Variants in NFAT5 observed in about 807,000 individuals in gnomAD.
NFAT5 encodes the protein nuclear factor of activated T cells 5, also known as nuclear factor of activated T-cells 5.
A neutral mutation model predicts 166.5 loss-of-function variants in NFAT5; 31 were observed. The observed-to-expected ratio is 0.19, with a 90% CI of 0.14 to 0.25. The LOEUF (loss-of-function observed/expected upper bound fraction) is 0.25, where lower values mean the gene tolerates loss of function less well. NFAT5 is among the 10% of genes least tolerant of loss of function. The probability of loss-of-function intolerance (pLI) is 1.00; values close to 1 mark genes in which losing one functional copy is unlikely to be tolerated. For synonymous variants in NFAT5, 612 were observed against 639.7 expected (o/e 0.96, Z 0.65); for missense variants, 1,449 against 1,821.8 (o/e 0.80, Z 3.72).
At chr16:69,604,550 C>T (rs1255619780) in intron 2 of NFAT5, among the ~76,000 whole-genome samples, 2 of 152,170 alleles carry the variant, frequency 1.3e-5, no homozygotes, top group Admixed American at 1.3e-4. Context: ...GTCTGTTCCT[C>T]TCTTTGTGTC....
At chr16:69,617,491 TTTTC>T (rs1037237600) in intron 2 of NFAT5, among the ~76,000 whole-genome samples, 2 of 151,664 alleles carry the variant, frequency 1.3e-5, no homozygotes, top group African/African-American at 4.8e-5. Flanking sequence ...AACAATTTTC[TTTTC>T]TTTTTTTTTT....
intron 2 of NFAT5, among the ~76,000 whole-genome samples, chr16:69,571,945 G>A (rs1273018273): frequency 6.6e-6 from 1 of 151,840 alleles, no homozygotes; most frequent in Admixed American, 6.6e-5. Flanking sequence ...GGATTTTTTA[G>A]TAGAAACAGG....
chr16:69,568,376 G>GTATATATA, intron 1 of NFAT5, 119 bp from the exon 2 acceptor site: 2 of 287,126 alleles, frequency 7.0e-6, no homozygotes. Flanking sequence ...GTGTGTGTGT[G>GTATATATA]TATATATATA....
chr16:69,596,845 A>G (rs991489698), intron 2 of NFAT5, among the ~76,000 whole-genome samples: 1 of 152,016 alleles, frequency 6.6e-6, no homozygotes, highest in Non-Finnish European at 1.5e-5. Context: ...TTTCTTCCCT[A>G]ATTGAGCTTA....
chr16:69,655,567 A>C, intron 5 of NFAT5, 42 bp from the exon 6 acceptor site: 1 of 1,395,680 alleles, frequency 7.2e-7, no homozygotes, highest in African/African-American at 1.4e-5. Context: ...AGATTATTTG[A>C]AATACTAATT....
Position 69,703,702 on chromosome 16 carries a change from A to C in NFAT5, c.*7351A>C, listed in dbSNP as rs1157733101. The C allele has an allele frequency of 6.6e-6, 1 of 152,630 alleles. No homozygotes were observed. The highest frequency in any genetic ancestry group is 1.5e-5 in the Non-Finnish European group (1 of 68,026). The allele number at this position is 152,630 out of a possible 1,614,324, so 9.5% of individuals were successfully genotyped here. A position where few individuals can be genotyped will look rare whatever the true frequency, so the allele number is the denominator to read the frequency against. On this transcript the variant is annotated 3_prime_UTR_variant, in exon 15 of 15. Coordinates refer to ENST00000349945, the MANE Select transcript of NFAT5 (RefSeq NM_138713.4). ...TACAAATTTTGGTGCTGGCAAATACATAGGCAAACTGTTGGGAGCTGCTCT... is the reference window on the plus strand; with the variant it reads ...TACAAATTTTGGTGCTGGCAAATACCTAGGCAAACTGTTGGGAGCTGCTCT...
At chr16:69,639,753 G>A (rs984106629) in intron 3 of NFAT5, among the ~76,000 whole-genome samples, 1 of 152,154 alleles carries the variant, frequency 6.6e-6, no homozygotes, top group African/African-American at 2.4e-5. Flanking sequence ...GCATTGCTCA[G>A]AACATATCTT....
chr16:69,686,030 A>G (rs2037286462), intron 11 of NFAT5: 1 of 148,020 alleles, frequency 6.8e-6, no homozygotes, highest in Admixed American at 6.7e-5. Context: ...GGGCAACAAG[A>G]GCAAAACTAT....
chr16:69,566,215 G>A lies in NFAT5; in HGVS notation c.-87G>A. ...GCCCTCGCGTCGCCGCCCCCGGTTC[G>A]GTGCCCGCGGTCCCGGAGAGGAGGT... On this transcript the variant is annotated 5_prime_UTR_variant, in exon 1 of 15. Coordinates refer to ENST00000349945, the MANE Select transcript of NFAT5 (RefSeq NM_138713.4). The surrounding 1 kb of genome is among the most constrained non-coding windows in gnomAD (Gnocchi z 5.7). 2 of 1,285,540 alleles carry A rather than the reference G, an allele frequency of 1.6e-6. No individual in the cohort carries two copies. The highest frequency in any genetic ancestry group is 2.2e-6 in the Non-Finnish European group (2 of 919,110). 79.6% of individuals were successfully genotyped at this position (1,285,540 alleles called of 1,614,324 possible). A position where few individuals can be genotyped will look rare whatever the true frequency, so the allele number is the denominator to read the frequency against.
chr16:69,660,845 G>A (rs2036095711), intron 7 of NFAT5, among the ~76,000 whole-genome samples: 1 of 148,560 alleles, frequency 6.7e-6, no homozygotes, highest in Non-Finnish European at 1.5e-5. Flanking sequence ...AGTTTCGCTT[G>A]TTGCCCAGGC....
At chr16:69,626,112 TAA>T (rs746935061) in intron 2 of NFAT5, among the ~76,000 whole-genome samples, 8 of 128,818 alleles carry the variant, frequency 6.2e-5, no homozygotes, top group Non-Finnish European at 5.0e-5. Context: ...CCTGGCTGAT[TAA>T]AAAAAAAAAA....
intron 2 of NFAT5, among the ~76,000 whole-genome samples, chr16:69,612,534 G>T (rs2033751627): frequency 6.6e-6 from 1 of 152,118 alleles, no homozygotes; most frequent in African/African-American, 2.4e-5. Flanking sequence ...ATTTTTAAAA[G>T]CAAGCAATAA....
chr16:69,661,539 T>TAAAAAAAAAAAAAAAAAAA, intron 7 of NFAT5, among the ~76,000 whole-genome samples: 1 of 37,932 alleles, frequency 2.6e-5, no homozygotes, highest in Non-Finnish European at 4.4e-5. Flanking sequence ...CCCAGTCTCT[T>TAAAAAAAAAAAAAAAAAAA]AAAAAAAAAA....
intron 2 of NFAT5, among the ~76,000 whole-genome samples, chr16:69,608,054 C>T (rs1027527345): frequency 6.6e-6 from 1 of 152,000 alleles, no homozygotes; most frequent in Non-Finnish European, 1.5e-5. Context: ...TAACAGTGTA[C>T]TAGAAAAACT....
At chr16:69,643,248 G>A (rs571832393) in intron 3 of NFAT5, among the ~76,000 whole-genome samples, 6 of 151,356 alleles carry the variant, frequency 4.0e-5, no homozygotes, top group East Asian at 1.9e-4. Flanking sequence ...ATATATAGAC[G>A]GGTCAGAACT....
At chr16:69,610,078 A>G (rs2033637021) in intron 2 of NFAT5, among the ~76,000 whole-genome samples, 1 of 152,128 alleles carries the variant, frequency 6.6e-6, no homozygotes, top group Non-Finnish European at 1.5e-5. Context: ...AGGGAAAAAA[A>G]TTGTGCGTAT....
intron 4 of NFAT5, among the ~76,000 whole-genome samples, chr16:69,650,311 T>G (rs2035611374): frequency 1.3e-5 from 2 of 152,064 alleles, no homozygotes; most frequent in African/African-American, 4.8e-5. Context: ...CATCATGCCT[T>G]AAAAATTAGT....
At chr16:69,571,038 C>A (rs1287082454) in intron 2 of NFAT5, among the ~76,000 whole-genome samples, 1 of 141,680 alleles carries the variant, frequency 7.1e-6, no homozygotes, top group Non-Finnish European at 1.5e-5. Flanking sequence ...GTGCCAAGAA[C>A]TTTACAAATA....
In NFAT5 at chr16:69,677,083, G is replaced by A. The variant is rs561036087; in HGVS notation, c.1558-120G>A. The A allele has an allele frequency of 2.3e-4, 218 of 949,552 alleles. 3 individuals carry two copies. The African/African-American group carries it at 3.4e-3, about 15-fold the overall frequency. 58.8% of individuals were successfully genotyped at this position (949,552 alleles called of 1,614,324 possible). On this transcript the variant is annotated intron_variant, in intron 9 of 14. Transcript: ENST00000349945. ...TGCCTGTGAACCTGAGCTTTAAAAT[G>A]CATTCTTTTTTTTTTAATCACTTTT...
Sources: allele counts gnomAD v4.1 joint callset (sites outside exome capture counted in the v4.1 genomes callset), GRCh38; gene constraint gnomAD v4.1.1; non-coding constraint Gnocchi (gnomAD v3.1); transcripts MANE v1.5; gene names NCBI Gene and HGNC (gene_info 2026-07-23, HGNC 2026-07-21).